The following ATP6V1A variants were observed in gnomAD, a reference collection of about 807,000 sequenced individuals.
ATP6V1A encodes ATPase H+ transporting V1 subunit A, also known as V-type proton ATPase catalytic subunit A.
ATP6V1A carries 18 observed loss-of-function variants against 70.1 expected under a neutral mutation model. That is an observed-to-expected ratio of 0.26 (90% CI 0.18 to 0.38). The LOEUF (loss-of-function observed/expected upper bound fraction) is 0.38. ATP6V1A is among the 10% of genes least tolerant of loss of function. The pLI is 1.00. For missense variants in ATP6V1A, 424 were observed against 772.4 expected, an observed-to-expected ratio of 0.55 and a Z score of 5.35; for synonymous variants, 232 against 253.8, an observed-to-expected ratio of 0.91 and a Z score of 0.82.
chr3:113,758,305 G>A (rs1439305886), intron 1 of ATP6V1A, among the ~76,000 whole-genome samples: 1 of 152,074 alleles, frequency 6.6e-6, no homozygotes, highest in Non-Finnish European at 1.5e-5. Context: ...TGCACATAAA[G>A]TATACAGTTG....
chr3:113,789,767 T>C lies in ATP6V1A; in HGVS notation c.915T>C (p.Ile305=). ...TMEVDGKVES[I]MKRTALVANT... ...AGGTTGATGGTAAGGTAGAGTCAAT[T>C]ATGAAGAGGACAGCTTTGGTAGCCA... The change falls in exon 8 of 15, where the codon ATT becomes ATC. Residue 305 remains isoleucine, a synonymous_variant. Coordinates refer to ENST00000273398, the MANE Select transcript of ATP6V1A (RefSeq NM_001690.4). 1 of 1,613,072 alleles carries C rather than the reference T, an allele frequency of 6.2e-7. No homozygotes were observed. Among genetic ancestry groups the C allele is most frequent in the South Asian group, 1.1e-5 (1 of 91,050 alleles).
intron 1 of ATP6V1A, among the ~76,000 whole-genome samples, chr3:113,770,570 T>C (rs1708826276): frequency 6.6e-6 from 1 of 151,842 alleles, no homozygotes; most frequent in South Asian, 2.1e-4. Flanking sequence ...TCCCAGCTAC[T>C]TGGGAGGCTG....
intron 1 of ATP6V1A, among the ~76,000 whole-genome samples, chr3:113,767,422 T>C (rs1708785740): frequency 6.6e-6 from 1 of 152,110 alleles, no homozygotes; most frequent in African/African-American, 2.4e-5. Flanking sequence ...AACATTTTAC[T>C]GAGTTACTGC....
At chr3:113,784,005 T>C (rs185222254) in intron 3 of ATP6V1A, among the ~76,000 whole-genome samples, 1 of 152,378 alleles carries the variant, frequency 6.6e-6, no homozygotes, top group East Asian at 1.9e-4. Context: ...TATTAGGTTG[T>C]TTAGACATAA....
At chr3:113,789,663 A>G in intron 7 of ATP6V1A, 69 bp from the exon 8 acceptor site, 2 of 1,252,038 alleles carry the variant, frequency 1.6e-6, no homozygotes, top group Admixed American at 2.1e-5. Flanking sequence ...AAAAAAAAAA[A>G]GAAAAATAGG....
intron 8 of ATP6V1A, among the ~76,000 whole-genome samples, chr3:113,793,072 G>C (rs1709113990): frequency 6.6e-6 from 1 of 151,222 alleles, no homozygotes; most frequent in African/African-American, 2.4e-5. Flanking sequence ...TTTGTTTGTT[G>C]GTTTTGAGAC....
chr3:113,754,512 C>T (rs1037804526), intron 1 of ATP6V1A, among the ~76,000 whole-genome samples: 1 of 151,164 alleles, frequency 6.6e-6, no homozygotes, highest in Non-Finnish European at 1.5e-5. Context: ...CCAGCCTGGG[C>T]GTCAGAGCGA....
At chr3:113,759,331 C>T (rs891527167) in intron 1 of ATP6V1A, among the ~76,000 whole-genome samples, 18 of 149,860 alleles carry the variant, frequency 1.2e-4, no homozygotes, top group African/African-American at 4.4e-4. Context: ...GGTTCTACCA[C>T]CACTTGTTGA....
chr3:113,773,542 C>T (rs1681626378), intron 1 of ATP6V1A, among the ~76,000 whole-genome samples: 2 of 152,136 alleles, frequency 1.3e-5, no homozygotes, highest in Non-Finnish European at 2.9e-5. Context: ...ATGAACAAAC[C>T]CATTTGGTTT....
intron 1 of ATP6V1A, among the ~76,000 whole-genome samples, chr3:113,758,406 T>C (rs1708668092): frequency 6.6e-6 from 1 of 152,306 alleles, no homozygotes; most frequent in Non-Finnish European, 1.5e-5. Flanking sequence ...AGTTTCTTTG[T>C]TCCTCTTTTT....
At chr3:113,806,961 G>A (rs1709281699) in intron 14 of ATP6V1A, among the ~76,000 whole-genome samples, 1 of 151,822 alleles carries the variant, frequency 6.6e-6, no homozygotes, top group African/African-American at 2.4e-5. Flanking sequence ...GAGTGTATAT[G>A]TAATATAAAA....
intron 1 of ATP6V1A, among the ~76,000 whole-genome samples, chr3:113,754,842 T>G (rs1708629275): frequency 1.3e-5 from 2 of 152,226 alleles, no homozygotes; most frequent in African/African-American, 4.8e-5. Flanking sequence ...TACTTATAAT[T>G]GTTTAATACT....
intron 1 of ATP6V1A, among the ~76,000 whole-genome samples, chr3:113,753,234 A>G (rs1284556819): frequency 5.3e-5 from 8 of 152,234 alleles, no homozygotes; most frequent in African/African-American, 1.4e-4. Context: ...CTAGTAATCA[A>G]TATACTAACA....
rs1421027372 is a variant in ATP6V1A at position 113,809,359 on chromosome 3, A to G, written c.1786A>G (p.Lys596Glu). Residue 596 changes from lysine to glutamate, a missense_variant, in exon 15 of 15, where the codon AAG (lysine) becomes GAG (glutamate). Physicochemically the swap from Lys to Glu is moderately conservative, Grantham distance 56. This residue lies in a region of ATP6V1A where 127 missense variants were observed against 207.9 expected (regional missense o/e 0.61). Transcript: ENST00000273398. ...GGATCCACTGAAAGATGGTGAGGCA[A>G]AGATCAAAAGCGACTATGCACAACT... ...FKDPLKDGEAKIKSDYAQLLE... is the reference protein window; with the variant it reads ...FKDPLKDGEAEIKSDYAQLLE... 3 of 1,613,892 alleles carry G rather than the reference A, an allele frequency of 1.9e-6. No individual in the cohort carries two copies. Among genetic ancestry groups the G allele is most frequent in the Non-Finnish European group, 2.5e-6 (3 of 1,179,836 alleles).
Position 113,789,760 on chromosome 3 carries a change from A to T in ATP6V1A, c.908A>T (p.Glu303Val). The T allele has an allele frequency of 6.2e-7, 1 of 1,612,500 alleles. No homozygotes were observed. The highest frequency in any genetic ancestry group is 8.5e-7 in the Non-Finnish European group (1 of 1,178,614). Residue 303 changes from glutamate (E) to valine (V), a missense_variant, in exon 8 of 15, where the codon GAG becomes GTG. Around this residue, in one of 9 missense-constraint regions of ATP6V1A, gnomAD observed 18 missense variants for 16.2 expected, o/e 1.11. Transcript: ENST00000273398. The part of the protein sequence containing the change: ...ELTMEVDGKV[E>V]SIMKRTALVA... ...ACAATGGAGGTTGATGGTAAGGTAGAGTCAATTATGAAGAGGACAGCTTTG... is the reference window on the plus strand; with the variant it reads ...ACAATGGAGGTTGATGGTAAGGTAGTGTCAATTATGAAGAGGACAGCTTTG...
chr3:113,753,032 A>T lies in ATP6V1A; in HGVS notation c.-14+5919A>T, dbSNP rs1708604876. Among the ~76,000 whole-genome samples, 4 of 152,186 alleles carry T rather than the reference A, an allele frequency of 2.6e-5. No homozygotes were observed. The South Asian group carries it at 8.3e-4, about 32-fold the overall frequency. On this transcript the variant is annotated intron_variant, in intron 1 of 14. Coordinates refer to ENST00000273398, the MANE Select transcript of ATP6V1A (RefSeq NM_001690.4). ...AACGAAGGATTCTTTAGTGGCAAAAATAAAGGACCAAAGACAAAATCAGGC... is the reference window on the plus strand; with the variant it reads ...AACGAAGGATTCTTTAGTGGCAAAATTAAAGGACCAAAGACAAAATCAGGC...
intron 1 of ATP6V1A, 60 bp downstream of exon 1, chr3:113,747,173 GA>G: frequency 6.5e-6 from 1 of 152,822 alleles, no homozygotes; most frequent in Non-Finnish European, 1.5e-5. Context: ...GGAGGCAGAG[GA>G]AGGAGAGAAG....
At chr3:113,771,435 T>C (rs1214313897) in intron 1 of ATP6V1A, among the ~76,000 whole-genome samples, 5 of 22,162 alleles carry the variant, frequency 2.3e-4, no homozygotes, top group African/African-American at 4.1e-4. Context: ...TTCTCTTTTT[T>C]TTTTTTTTTT....
At chr3:113,800,973 G>A (rs901532271) in intron 12 of ATP6V1A, among the ~76,000 whole-genome samples, 1 of 151,996 alleles carries the variant, frequency 6.6e-6, no homozygotes, top group Non-Finnish European at 1.5e-5. Flanking sequence ...TGGGCAACAT[G>A]ACGAGACCTT....
Sources: gnomAD v4.1 joint callset for allele counts (sites outside exome capture counted in the v4.1 genomes callset) on GRCh38, gnomAD v4.1.1 for gene constraint, gnomAD v4.1.1 regional missense constraint, MANE v1.5 for transcripts, NCBI Gene and HGNC (gene_info 2026-07-23, HGNC 2026-07-21) for gene names.